The following FAM83B variants were observed in gnomAD, a reference collection of about 807,000 sequenced individuals.
FAM83B encodes scaffolding CK1 anchoring protein B.
A neutral mutation model predicts 38.8 loss-of-function variants in FAM83B; 26 were observed. That is an observed-to-expected ratio of 0.67 (90% CI 0.49 to 0.93). The LOEUF is 0.93. FAM83B is among the 40% of genes least tolerant of loss of function. FAM83B has a pLI of 0.00. For synonymous variants in FAM83B, 419 were observed against 423.1 expected (o/e 0.99, Z 0.12); for missense variants, 1,237 against 1,197.3 (o/e 1.03, Z -0.49).
In FAM83B at chr6:54,863,219, G is replaced by T. The variant is rs145933627; in HGVS notation, c.-60-6968G>T. Among the ~76,000 whole-genome samples the T allele has an allele frequency of 7.0e-3, 1,071 of 152,268 alleles. 17 individuals are homozygous for T. The highest frequency in any genetic ancestry group is 0.024 in the African/African-American group (1,001 of 41,552). On this transcript the variant is annotated intron_variant, in intron 1 of 4. Transcript: ENST00000306858. ...TGCTTAATTATGCACATAAAGAGGG[G>T]TTTCAGTTAAAAACAACACAACAAC...
chr6:54,934,604 A>G (rs1255207143), intron 4 of FAM83B, among the ~76,000 whole-genome samples: 1 of 152,138 alleles, frequency 6.6e-6, no homozygotes, highest in Non-Finnish European at 1.5e-5. Flanking sequence ...TGAGGGTCTG[A>G]TAAGTCTCAT....
intron 1 of FAM83B, among the ~76,000 whole-genome samples, chr6:54,857,163 C>G (rs1227547343): frequency 6.6e-6 from 1 of 152,150 alleles, no homozygotes. Flanking sequence ...AGTTGAGGCA[C>G]ACTACCCTTG....
chr6:54,896,799 A>G (rs1032490515), intron 2 of FAM83B, among the ~76,000 whole-genome samples: 3 of 152,208 alleles, frequency 2.0e-5, no homozygotes, highest in Admixed American at 2.0e-4. Context: ...AGTTGACAGA[A>G]GGAAAACAAC....
At chr6:54,856,309 A>G (rs938747250) in intron 1 of FAM83B, among the ~76,000 whole-genome samples, 4 of 152,232 alleles carry the variant, frequency 2.6e-5, no homozygotes, top group Non-Finnish European at 5.9e-5. Flanking sequence ...TTATGCTGAC[A>G]TAGGCCTTAA....
At chr6:54,927,270 C>A (rs1338947167) in intron 3 of FAM83B, among the ~76,000 whole-genome samples, 3 of 151,998 alleles carry the variant, frequency 2.0e-5, no homozygotes, top group Non-Finnish European at 2.9e-5. Flanking sequence ...TAGTGAGAGG[C>A]TGAGTGATCT....
At chr6:54,892,794 T>A (rs572640606) in intron 2 of FAM83B, among the ~76,000 whole-genome samples, 1 of 152,082 alleles carries the variant, frequency 6.6e-6, no homozygotes, top group African/African-American at 2.4e-5. Context: ...ACTTCAACAA[T>A]CCTCCCTCCA....
chr6:54,868,658 G>A (rs928879496), intron 1 of FAM83B, among the ~76,000 whole-genome samples: 1 of 152,148 alleles, frequency 6.6e-6, no homozygotes, highest in African/African-American at 2.4e-5. Context: ...GCCATCACCA[G>A]AATTCAGATG....
intron 4 of FAM83B, among the ~76,000 whole-genome samples, chr6:54,927,940 T>A (rs1035329947): frequency 1.3e-5 from 2 of 152,146 alleles, no homozygotes; most frequent in African/African-American, 4.8e-5. Context: ...TTTTGCTCCT[T>A]ATGGAAACAT....
chr6:54,938,210 T>C (rs1773563906), intron 4 of FAM83B, among the ~76,000 whole-genome samples: 1 of 152,206 alleles, frequency 6.6e-6, no homozygotes, highest in East Asian at 1.9e-4. Context: ...TTGTTCCTTT[T>C]TATGGTTGAG....
chr6:54,848,057 G>GA (rs1771182112), intron 1 of FAM83B, among the ~76,000 whole-genome samples: 2 of 131,418 alleles, frequency 1.5e-5, no homozygotes, highest in Non-Finnish European at 3.1e-5. Flanking sequence ...AGAGAGTGAT[G>GA]AAAGAGACTT....
chr6:54,847,947 A>G (rs1771179746), intron 1 of FAM83B, among the ~76,000 whole-genome samples: 2 of 152,154 alleles, frequency 1.3e-5, no homozygotes, highest in South Asian at 4.1e-4. Context: ...GGTTACTGGC[A>G]GGCACCTCCC....
rs569798657 is a variant in FAM83B, at chr6:54,883,225, G to A, written c.444+12535G>A. ...CCCAAAGTGCTGGGATTACAGGCGTGAGCCACCATGCCTAGCCATTATTGT... is the reference window on the plus strand; with the variant it reads ...CCCAAAGTGCTGGGATTACAGGCGTAAGCCACCATGCCTAGCCATTATTGT... On this transcript the variant is annotated intron_variant, in intron 2 of 4. Coordinates refer to ENST00000306858, the MANE Select transcript of FAM83B (RefSeq NM_001010872.3). 8.6e-5 allele frequency among the ~76,000 whole-genome samples: 13 copies of A among 152,012 alleles called. No homozygotes were observed. In the South Asian group the frequency reaches 2.3e-3, roughly 27 times the overall value.
rs148478611 is a variant in FAM83B at position 54,943,213 on chromosome 6, A to G, written c.*1206A>G. The G allele has an allele frequency of 3.3e-5, 5 of 152,050 alleles. No homozygotes were observed. Among genetic ancestry groups the G allele is most frequent in the South Asian group, 2.1e-4 (1 of 4,830 alleles). 9.4% of individuals were successfully genotyped at this position (152,050 alleles called of 1,614,324 possible). On this transcript the variant is annotated 3_prime_UTR_variant, in exon 5 of 5. Coordinates refer to ENST00000306858, the MANE Select transcript of FAM83B (RefSeq NM_001010872.3). The stretch of plus-strand genomic sequence containing the variant: ...TTCTTTAAGTTGTGCCAAATATGAT[A>G]TGACTGCATAGTGTTTTTGTAAGAA...
At chr6:54,907,602 T>C (rs1006033142) in intron 2 of FAM83B, among the ~76,000 whole-genome samples, 2 of 149,846 alleles carry the variant, frequency 1.3e-5, no homozygotes, top group African/African-American at 4.9e-5. Flanking sequence ...GTTTTGATGA[T>C]ATTTTCATAG....
chr6:54,859,395 C>T (rs534092581), intron 1 of FAM83B, among the ~76,000 whole-genome samples: 1 of 152,116 alleles, frequency 6.6e-6, no homozygotes, highest in South Asian at 2.1e-4. Flanking sequence ...TATTTTTTAG[C>T]AGTCTCTAGT....
chr6:54,873,288 C>T (rs758254544), intron 2 of FAM83B, among the ~76,000 whole-genome samples: 9 of 151,954 alleles, frequency 5.9e-5, no homozygotes, highest in Non-Finnish European at 1.2e-4. Context: ...CTTTATATGT[C>T]GCCATATCTA....
In FAM83B at chr6:54,870,517, A is replaced by T; in HGVS notation, c.271A>T (p.Thr91Ser). 1 of 1,614,066 alleles carries T rather than the reference A, an allele frequency of 6.2e-7. No individual in the cohort carries two copies. Among genetic ancestry groups the T allele is most frequent in the Non-Finnish European group, 8.5e-7 (1 of 1,179,980 alleles). Residue 91 changes from threonine to serine, a missense_variant, in exon 2 of 5, where the codon ACC becomes TCC. Physicochemically the swap from Thr to Ser is moderately conservative, Grantham distance 58. Transcript: ENST00000306858. The part of the protein sequence containing the change: ...DSCDDTLSSG[T>S]YWPVESDVEA... ...CTGTGATGATACCTTATCTTCAGGG[A>T]CCTACTGGCCTGTTGAGTCTGATGT...
chr6:54,900,181 G>T (rs1226666888), intron 2 of FAM83B, among the ~76,000 whole-genome samples: 2 of 152,018 alleles, frequency 1.3e-5, no homozygotes, highest in Non-Finnish European at 2.9e-5. Flanking sequence ...CCAATATTTG[G>T]TATTTTCATA....
chr6:54,867,942 A>G (rs1771757906), intron 1 of FAM83B, among the ~76,000 whole-genome samples: 1 of 152,168 alleles, frequency 6.6e-6, no homozygotes, highest in Admixed American at 6.6e-5. Context: ...ATTACAAATT[A>G]CAGATGTAAT....
Sources: gnomAD v4.1 joint callset for allele counts (sites outside exome capture counted in the v4.1 genomes callset) on GRCh38, gnomAD v4.1.1 for gene constraint, MANE v1.5 for transcripts, NCBI Gene and HGNC (gene_info 2026-07-23, HGNC 2026-07-21) for gene names.